LIMK1: variants seen among roughly 807,000 people sequenced by gnomAD.
The protein encoded by LIMK1 is LIM motif-containing protein kinase.
LIMK1 carries 21 observed loss-of-function variants against 77.6 expected under a neutral mutation model. The observed-to-expected ratio is 0.27, with a 90% confidence interval of 0.19 to 0.39. The LOEUF (loss-of-function observed/expected upper bound fraction) is 0.39. LIMK1 is among the 10% of genes least tolerant of loss of function. The pLI is 1.00. For synonymous variants in LIMK1, 358 were observed against 370.0 expected, an observed-to-expected ratio of 0.97 and a Z score of 0.37; for missense variants, 696 against 901.6, an observed-to-expected ratio of 0.77 and a Z score of 2.92.
At chr7:74,086,134 C>T (rs2115609456) in intron 2 of LIMK1, among the ~76,000 whole-genome samples, 1 of 152,302 alleles carries the variant, frequency 6.6e-6, no homozygotes, top group Non-Finnish European at 1.5e-5. Flanking sequence ...CAACCTCTTC[C>T]TCCTGGGCTC....
rs558556692 is a variant in LIMK1, at chr7:74,102,260, C to T, written c.608+3022C>T. Among the ~76,000 whole-genome samples the T allele has an allele frequency of 3.3e-5, 5 of 151,896 alleles. No homozygotes were observed. The East Asian group carries it at 5.8e-4, about 18-fold the overall frequency. ...AATAAGTCCATTGAATACATACACA[C>T]CCTTCACCAAGGTTCACCAATTCGT... is the stretch of plus-strand genomic sequence containing the variant. On this transcript the variant is annotated intron_variant, in intron 5 of 15. Coordinates refer to ENST00000336180, the MANE Select transcript of LIMK1 (RefSeq NM_002314.4).
intron 1 of LIMK1, among the ~76,000 whole-genome samples, chr7:74,085,406 C>T (rs1554693903): frequency 3.9e-5 from 6 of 152,236 alleles, no homozygotes; most frequent in Non-Finnish European, 5.9e-5. Context: ...ATAGGAATGT[C>T]ACCCACTGCC....
Position 74,099,198 on chromosome 7 carries a change from G to A in LIMK1, c.568G>A (p.Gly190Ser). Reference sequence around the variant, plus strand: ...CATTGACCCCCCGCACGGCCCACCGGGCTGTGGCACCGAGCACTCACACAC... The same window carrying A: ...CATTGACCCCCCGCACGGCCCACCGAGCTGTGGCACCGAGCACTCACACAC... ...VSIDPPHGPP[G>S]CGTEHSHTVR... Residue 190 changes from glycine to serine, a missense_variant, in exon 5 of 16, where the codon GGC (glycine) becomes AGC (serine). By Grantham distance (56) the Gly-to-Ser change is moderately conservative (BLOSUM62 0). Around this residue, in one of 3 missense-constraint regions of LIMK1, gnomAD observed 252 missense variants for 279.4 expected, o/e 0.90. Transcript: ENST00000336180. 6.2e-7 allele frequency: 1 copy of A among 1,610,152 alleles called. No homozygotes were observed. The highest frequency in any genetic ancestry group is 8.5e-7 in the Non-Finnish European group (1 of 1,180,002).
chr7:74,115,813 G>A lies in LIMK1; in HGVS notation c.1422G>A (p.Val474=), dbSNP rs782600773. Residue 474 remains valine, a synonymous_variant, in exon 13 of 16, where the codon GTG becomes GTA. Transcript: ENST00000336180. Reference sequence around the variant, plus strand: ...CTTCACCTTCCCAGAACAAGAATGTGGTGGTGGCTGACTTCGGGCTGGCGC... The same window carrying A: ...CTTCACCTTCCCAGAACAAGAATGTAGTGGTGGCTGACTTCGGGCTGGCGC... ...HNCLVRENKN[V]VVADFGLARL... is the part of the protein sequence containing the mutation. The A allele has an allele frequency of 6.8e-6, 11 of 1,614,068 alleles. No individual in the cohort carries two copies. Among genetic ancestry groups the A allele is most frequent in the South Asian group, 1.1e-5 (1 of 91,080 alleles).
At position 74,099,154 on chromosome 7, in the gene LIMK1, A is replaced by G; in HGVS notation, c.524A>G (p.Lys175Arg). Residue 175 changes from lysine to arginine, a missense_variant, in exon 5 of 16, where the codon AAG (lysine) becomes AGG (arginine). Physicochemically the swap from Lys to Arg is conservative, Grantham distance 26. This residue lies in a region of LIMK1 where 252 missense variants were observed against 279.4 expected (regional missense o/e 0.90). Transcript: ENST00000336180. ...TCCATCCCAGCCTCATCTCATGGCA[A>G]GCGTGGACTTTCAGTCTCCATTGAC... ...LVSIPASSHG[K>R]RGLSVSIDPP... The G allele has an allele frequency of 1.2e-6, 2 of 1,613,542 alleles. No homozygotes were observed. The highest frequency in any genetic ancestry group is 1.7e-6 in the Non-Finnish European group (2 of 1,179,996).
chr7:74,115,989 C>T lies in LIMK1; in HGVS notation c.1567+31C>T, dbSNP rs528333713. 2.5e-6 allele frequency: 4 copies of T among 1,599,318 alleles called. No homozygotes were observed. In the African/African-American group the frequency reaches 5.4e-5, roughly 21 times the overall value. On this transcript the variant is annotated intron_variant, in intron 13 of 15. Transcript: ENST00000336180. The stretch of plus-strand genomic sequence containing the variant: ...TGGTTCAGCCCTGCCCATCATGGCC[C>T]TCACGGGAAGCCATGGGGGAGCCCA...
chr7:74,121,328 C>G lies in LIMK1; in HGVS notation c.*27C>G. ...CCAGGGCCACTCAGCTGCCCCTGTC[C>G]CCACCTCTGGAGAATCCACCCCCAC... On this transcript the variant is annotated 3_prime_UTR_variant, in exon 16 of 16. Transcript: ENST00000336180. The G allele has an allele frequency of 2.6e-6, 4 of 1,544,172 alleles. No individual in the cohort carries two copies. Among genetic ancestry groups the G allele is most frequent in the Middle Eastern group, 1.8e-4 (1 of 5,712 alleles).
Position 74,107,136 on chromosome 7 carries a change from G to A in LIMK1, c.1008G>A (p.Pro336=), listed in dbSNP as rs782302735. 31 of 1,612,968 alleles carry A rather than the reference G, an allele frequency of 1.9e-5. No individual in the cohort carries two copies. Among genetic ancestry groups the A allele is most frequent in the African/African-American group, 1.1e-4 (8 of 74,946 alleles). ...VVCRPHRIFR[P]SDLIHGEVLG... Reference sequence around the variant, plus strand: ...GCCGGCCACACCGCATCTTCCGGCCGTCGGACCTCATCCACGGGGAGGTGC... The same window carrying A: ...GCCGGCCACACCGCATCTTCCGGCCATCGGACCTCATCCACGGGGAGGTGC... Residue 336 remains proline, a synonymous_variant, in exon 8 of 16, where the codon CCG becomes CCA. Transcript: ENST00000336180.
chr7:74,119,183 A>C (rs1799882205), intron 13 of LIMK1, among the ~76,000 whole-genome samples: 1 of 146,886 alleles, frequency 6.8e-6, no homozygotes, highest in African/African-American at 2.5e-5. Flanking sequence ...GTGCCCGGCC[A>C]GTTTTTTGTT....
intron 2 of LIMK1, chr7:74,094,212 T>G (rs1323091257): frequency 6.6e-6 from 1 of 152,320 alleles, no homozygotes; most frequent in African/African-American, 2.4e-5. Flanking sequence ...AGACCTAGTG[T>G]CTGGTAGAAC....
chr7:74,115,908 G>A lies in LIMK1; in HGVS notation c.1517G>A (p.Arg506His), dbSNP rs1305991876. Residue 506 changes from arginine to histidine, a missense_variant, in exon 13 of 16, where the codon CGC becomes CAC. Around this residue, in one of 3 missense-constraint regions of LIMK1, gnomAD observed 438 missense variants for 602.3 expected, o/e 0.73. Transcript: ENST00000336180. Reference sequence around the variant, plus strand: ...CTCAAGAAGCCAGACCGCAAGAAGCGCTACACCGTGGTGGGCAACCCCTAC... The same window carrying A: ...CTCAAGAAGCCAGACCGCAAGAAGCACTACACCGTGGTGGGCAACCCCTAC... ...RSLKKPDRKK[R>H]YTVVGNPYWM... The A allele has an allele frequency of 1.9e-6, 3 of 1,614,064 alleles. No individual in the cohort carries two copies. Among genetic ancestry groups the A allele is most frequent in the Non-Finnish European group, 1.7e-6 (2 of 1,180,026 alleles).
At chr7:74,113,481 C>T (rs1362416874) in intron 12 of LIMK1, among the ~76,000 whole-genome samples, 1 of 152,084 alleles carries the variant, frequency 6.6e-6, no homozygotes, top group East Asian at 1.9e-4. Context: ...CAAAAATTAG[C>T]AGGCATGGTG....
intron 12 of LIMK1, among the ~76,000 whole-genome samples, chr7:74,112,686 G>T (rs1017185003): frequency 6.6e-6 from 1 of 152,086 alleles, no homozygotes. Flanking sequence ...TTAGCCGGGC[G>T]TGGTGGCAGG....
At chr7:74,109,181 G>A (rs781863786) in intron 10 of LIMK1, 145 bp downstream of exon 10, 40 of 684,148 alleles carry the variant, frequency 5.8e-5, no homozygotes, top group South Asian at 5.7e-4. Context: ...AATCAAAAAG[G>A]GGAGCGACTG....
rs782640471 is a variant in LIMK1 at position 74,121,227 on chromosome 7, C to T, written c.1870C>T (p.Leu624=). 48 of 1,613,714 alleles carry T rather than the reference C, an allele frequency of 3.0e-5. No individual in the cohort carries two copies. The highest frequency in any genetic ancestry group is 3.3e-5 in the Admixed American group (2 of 59,976). The change falls in exon 16 of 16, where the codon CTG becomes TTG. Residue 624 remains leucine (L), a synonymous_variant. Transcript: ENST00000336180. ...HLPLGPQLEQ[L]DRGFWETYRR... is the part of the protein sequence containing the mutation. ...GCCACTGGGCCCACAGCTGGAGCAG[C>T]TGGACAGAGGTTTCTGGGAGACCTA...
chr7:74,107,927 C>G lies in LIMK1; in HGVS notation c.1122C>G (p.Asp374Glu). 1 of 1,575,618 alleles carries G rather than the reference C, an allele frequency of 6.3e-7. No individual in the cohort carries two copies. The highest frequency in any genetic ancestry group is 1.2e-5 in the South Asian group (1 of 85,610). The change falls in exon 9 of 16, where the codon GAC (aspartate) becomes GAG (glutamate). Residue 374 changes from aspartate (D) to glutamate (E), a missense_variant. By Grantham distance (45) the Asp-to-Glu change is conservative. Around this residue, in one of 3 missense-constraint regions of LIMK1, gnomAD observed 438 missense variants for 602.3 expected, o/e 0.73. Transcript: ENST00000336180. ...TGATGAAGGAGCTGATCCGGTTCGA[C>G]GAGGAGACCCAGAGGACGTTCCTCA... Reference protein sequence around the residue: ...VMVMKELIRFDEETQRTFLKE... With the variant: ...VMVMKELIRFEEETQRTFLKE...
At chr7:74,096,545 C>A in intron 2 of LIMK1, 77 bp from the exon 3 acceptor site, 2 of 1,567,876 alleles carry the variant, frequency 1.3e-6, no homozygotes, top group South Asian at 1.1e-5. Flanking sequence ...TACAAAGGTG[C>A]CTGTAGCCGA....
At chr7:74,106,318 C>G in intron 7 of LIMK1, 75 bp downstream of exon 7, 6 of 1,507,682 alleles carry the variant, frequency 4.0e-6, no homozygotes, top group Non-Finnish European at 3.6e-6. Flanking sequence ...GGACCTAGGT[C>G]GGGGAGCCAG....
intron 13 of LIMK1, among the ~76,000 whole-genome samples, chr7:74,119,849 A>G (rs1315020450): frequency 6.6e-6 from 1 of 152,142 alleles, no homozygotes; most frequent in East Asian, 1.9e-4. Flanking sequence ...CAGAGGTTGC[A>G]GTGAGCCACA....
Sources: gnomAD v4.1 joint callset for allele counts (sites outside exome capture counted in the v4.1 genomes callset) on GRCh38, gnomAD v4.1.1 for gene constraint, gnomAD v4.1.1 regional missense constraint, MANE v1.5 for transcripts, NCBI Gene and HGNC (gene_info 2026-07-23, HGNC 2026-07-21) for gene names.